The following VPS13B variants were observed in gnomAD, a reference collection of about 807,000 sequenced individuals.
VPS13B encodes intermembrane lipid transfer protein VPS13B.
A neutral mutation model predicts 426.4 loss-of-function variants in VPS13B; 285 were observed. The ratio of observed to expected loss-of-function variants is 0.67; its 90% CI spans 0.61 to 0.74. VPS13B has a LOEUF of 0.74. Ranked by LOEUF, VPS13B falls within the 30% of genes least tolerant of loss-of-function variation. VPS13B has a pLI of 0.00. For synonymous variants in VPS13B, 1,676 were observed against 1,676.4 expected (o/e 1.00, Z 0.01); for missense variants, 4,537 against 4,782.6 (o/e 0.95, Z 1.51).
intron 20 of VPS13B, among the ~76,000 whole-genome samples, chr8:99,387,132 A>G (rs1157319775): frequency 6.6e-6 from 1 of 152,142 alleles, no homozygotes; most frequent in Non-Finnish European, 1.5e-5. Context: ...CTAGGCAAGT[A>G]TTTTGCATTT....
At chr8:99,313,441 C>T (rs572662843) in intron 19 of VPS13B, among the ~76,000 whole-genome samples, 1 of 152,236 alleles carries the variant, frequency 6.6e-6, no homozygotes, top group African/African-American at 2.4e-5. Flanking sequence ...CACTCCAGAC[C>T]CTGTTTGCCT....
chr8:99,027,722 T>A (rs1329787028), intron 2 of VPS13B, among the ~76,000 whole-genome samples: 2 of 150,902 alleles, frequency 1.3e-5, no homozygotes, highest in Non-Finnish European at 3.0e-5. Context: ...CTGTTAGTTT[T>A]TTTTATTTTT....
intron 19 of VPS13B, among the ~76,000 whole-genome samples, chr8:99,325,429 T>C (rs1235358569): frequency 6.6e-6 from 1 of 152,234 alleles, no homozygotes. Flanking sequence ...TTTCATCCTT[T>C]GCAACTGCTC....
At chr8:99,504,797 G>A (rs1347230733) in intron 27 of VPS13B, among the ~76,000 whole-genome samples, 1 of 152,152 alleles carries the variant, frequency 6.6e-6, no homozygotes, top group African/African-American at 2.4e-5. Context: ...CCTTTAACAA[G>A]AGAGTCAGCC....
intron 33 of VPS13B, among the ~76,000 whole-genome samples, chr8:99,610,659 C>G (rs1450797439): frequency 2.0e-5 from 3 of 152,040 alleles, no homozygotes; most frequent in Non-Finnish European, 2.9e-5. Flanking sequence ...ATGGGTGCAG[C>G]AAACCACCAT....
At chr8:99,464,224 G>A (rs1240287782) in intron 23 of VPS13B, among the ~76,000 whole-genome samples, 2 of 152,134 alleles carry the variant, frequency 1.3e-5, no homozygotes, top group East Asian at 3.9e-4. Flanking sequence ...AGGCATTTTT[G>A]TTGTTGTTTC....
intron 24 of VPS13B, among the ~76,000 whole-genome samples, chr8:99,473,184 T>A (rs546792075): frequency 3.6e-4 from 54 of 152,102 alleles, no homozygotes; most frequent in Non-Finnish European, 6.9e-4. Context: ...ATAACAAAAC[T>A]TCAAAAAGAC....
intron 19 of VPS13B, among the ~76,000 whole-genome samples, chr8:99,357,351 TA>T (rs1199064154): frequency 6.6e-6 from 1 of 152,204 alleles, no homozygotes; most frequent in African/African-American, 2.4e-5. Flanking sequence ...TTTAATATCT[TA>T]TTTTTTTCAT....
At chr8:99,288,840 A>G in intron 19 of VPS13B, among the ~76,000 whole-genome samples, 1 of 152,122 alleles carries the variant, frequency 6.6e-6, no homozygotes, top group East Asian at 1.9e-4. Flanking sequence ...CACTTGAAAA[A>G]TAGCTCTTTG....
At chr8:99,666,631 A>G (rs1402435014) in intron 35 of VPS13B, among the ~76,000 whole-genome samples, 1 of 152,202 alleles carries the variant, frequency 6.6e-6, no homozygotes, top group East Asian at 1.9e-4. Context: ...AAAACTCTCA[A>G]TAAATTAGGT....
chr8:99,700,755 G>C (rs1832237328), intron 36 of VPS13B, among the ~76,000 whole-genome samples: 1 of 152,200 alleles, frequency 6.6e-6, no homozygotes, highest in Admixed American at 6.5e-5. Flanking sequence ...AGGATTGTGA[G>C]GAGGGGAAGA....
At position 99,465,831 on chromosome 8, in the gene VPS13B, ATAT is replaced by A. The variant is rs1252435582; in HGVS notation, c.3446-1576_3446-1574del. Among the ~76,000 whole-genome samples the A allele has an allele frequency of 8.5e-5, 13 of 152,144 alleles. No homozygotes were observed. The East Asian group carries it at 1.6e-3, about 18-fold the overall frequency. ...GACAAAGTACCATAGTGCTGACCAC[ATAT>A]TATTATGCAGTTATCATTGTTTCCA... is the stretch of plus-strand genomic sequence containing the variant. On this transcript the variant is annotated intron_variant, in intron 23 of 61. Transcript: ENST00000357162.
chr8:99,032,603 C>T (rs1408049803), intron 2 of VPS13B, among the ~76,000 whole-genome samples: 1 of 150,048 alleles, frequency 6.7e-6, no homozygotes, highest in African/African-American at 2.4e-5. Flanking sequence ...GATCTCAACT[C>T]ACTGTAAGCT....
chr8:99,441,332 T>C (rs1817666795), intron 22 of VPS13B, among the ~76,000 whole-genome samples: 1 of 152,128 alleles, frequency 6.6e-6, no homozygotes, highest in Admixed American at 6.5e-5. Flanking sequence ...GAATAGTATA[T>C]TAGGCCCAAG....
chr8:99,857,802 C>A lies in VPS13B; in HGVS notation c.10868-1502C>A, dbSNP rs545764602. ...TGATTTGAAGGGAGAGAATACTTTT[C>A]TTGCAGTTACCGTGAGAATTAAATG... On this transcript the variant is annotated intron_variant, in intron 56 of 61. Transcript: ENST00000357162. 2.6e-5 allele frequency among the ~76,000 whole-genome samples: 4 copies of A among 152,338 alleles called. No individual in the cohort carries two copies. The South Asian group carries it at 8.3e-4, about 32-fold the overall frequency.
intron 8 of VPS13B, among the ~76,000 whole-genome samples, chr8:99,129,282 A>C (rs1382957521): frequency 1.3e-5 from 2 of 151,700 alleles, no homozygotes; most frequent in Non-Finnish European, 2.9e-5. Context: ...AAAATAAGAT[A>C]TTAAAAAATA....
chr8:99,870,674 A>AT (rs1446316207), intron 59 of VPS13B, 111 bp from the exon 60 acceptor site: 21 of 944,110 alleles, frequency 2.2e-5, no homozygotes, highest in Admixed American at 1.6e-4. Flanking sequence ...ATGTGACATC[A>AT]TTTTGGATCT....
chr8:99,571,212 T>C lies in VPS13B; in HGVS notation c.4950-4446T>C, dbSNP rs188207573. On this transcript the variant is annotated intron_variant, in intron 31 of 61. Coordinates refer to ENST00000357162, the MANE Select transcript of VPS13B (RefSeq NM_152564.5). Reference sequence around the variant, plus strand: ...GTCATTAACAACCTCAGTTAATACTTTGTGTTTTAGTTCCTTCTTTTGAAT... The same window carrying C: ...GTCATTAACAACCTCAGTTAATACTCTGTGTTTTAGTTCCTTCTTTTGAAT... Among the ~76,000 whole-genome samples the C allele has an allele frequency of 3.3e-5, 5 of 152,254 alleles. No individual in the cohort carries two copies. In the East Asian group the frequency reaches 9.6e-4, roughly 29 times the overall value.
chr8:99,732,312 G>A (rs185059814), intron 39 of VPS13B, among the ~76,000 whole-genome samples: 1,892 of 152,224 alleles, frequency 0.012, 27 homozygotes, highest in Admixed American at 0.02. Flanking sequence ...GCCATCCCCA[G>A]CACCCTTTCC....
Sources: allele counts gnomAD v4.1 joint callset (sites outside exome capture counted in the v4.1 genomes callset), GRCh38; gene constraint gnomAD v4.1.1; transcripts MANE v1.5; gene names NCBI Gene and HGNC (gene_info 2026-07-23, HGNC 2026-07-21).